The following ARHGEF4 variants were observed in gnomAD, a reference collection of about 807,000 sequenced individuals.
ARHGEF4 encodes Rho guanine nucleotide exchange factor 4, also known as APC-stimulated guanine nucleotide exchange factor 1.
A neutral mutation model predicts 162.0 loss-of-function variants in ARHGEF4; 119 were observed. The observed-to-expected ratio is 0.73, with a 90% CI of 0.63 to 0.86. The LOEUF (loss-of-function observed/expected upper bound fraction) is 0.86. Among genes scored for constraint, ARHGEF4 ranks in the 40% least tolerant of loss-of-function variants. The probability of loss-of-function intolerance (pLI) is 0.00; values close to 1 mark genes in which losing one functional copy is unlikely to be tolerated. For synonymous variants in ARHGEF4, 1,014 were observed against 979.9 expected (o/e 1.03, Z -0.65); for missense variants, 2,488 against 2,456.0 (o/e 1.01, Z -0.28).
intron 1 of ARHGEF4, among the ~76,000 whole-genome samples, chr2:130,865,666 T>A (rs563551912): frequency 6.6e-6 from 1 of 152,356 alleles, no homozygotes; most frequent in East Asian, 1.9e-4. Flanking sequence ...AAAGTCTAGT[T>A]TCCTTTCCAT....
At chr2:130,913,315 TATC>T (rs1367859716) in intron 1 of ARHGEF4, among the ~76,000 whole-genome samples, 1 of 152,236 alleles carries the variant, frequency 6.6e-6, no homozygotes, top group Non-Finnish European at 1.5e-5. Context: ...AGTTTTCAAA[TATC>T]ATAGATCTGT....
At chr2:131,022,438 AT>A (rs1689190985) in intron 4 of ARHGEF4, among the ~76,000 whole-genome samples, 1 of 152,080 alleles carries the variant, frequency 6.6e-6, no homozygotes, top group Admixed American at 6.6e-5. Context: ...TTAATTTGCT[AT>A]TGTACAACAG....
intron 12 of ARHGEF4, 48 bp from the exon 13 acceptor site, chr2:131,045,321 C>G (rs750477136): frequency 1.9e-6 from 3 of 1,570,716 alleles, no homozygotes; most frequent in African/African-American, 1.3e-5. Flanking sequence ...GGAACTGCAC[C>G]TGGGGCCACG....
chr2:130,946,338 T>C lies in ARHGEF4; in HGVS notation c.3859-171T>C, dbSNP rs1395961691. Among the ~76,000 whole-genome samples the C allele has an allele frequency of 2.0e-5, 3 of 152,034 alleles. No homozygotes were observed. The East Asian group carries it at 5.8e-4, about 29-fold the overall frequency. ...TGCCCACTGCAGACTCCAGGTGAAG[T>C]TTTTCTTGTGAGTTTTGATGTGAAA... On this transcript the variant is annotated intron_variant, in intron 3 of 13. Coordinates refer to ENST00000409359, the MANE Select transcript of ARHGEF4 (RefSeq NM_001367493.1).
At chr2:130,883,094 T>C (rs1459864801) in intron 1 of ARHGEF4, among the ~76,000 whole-genome samples, 3 of 152,014 alleles carry the variant, frequency 2.0e-5, no homozygotes, top group African/African-American at 2.4e-5. Context: ...CAGGATACCA[T>C]TGAGAAATTG....
chr2:131,016,427 T>C (rs1202069951), intron 4 of ARHGEF4, among the ~76,000 whole-genome samples: 4 of 152,212 alleles, frequency 2.6e-5, no homozygotes, highest in East Asian at 1.9e-4. Context: ...CCTGGCTGTT[T>C]GGTGCTGGAT....
intron 2 of ARHGEF4, among the ~76,000 whole-genome samples, chr2:130,926,012 C>CTTTCTTTCTTTCTT (rs60718279): frequency 1.8e-5 from 2 of 110,362 alleles, no homozygotes; most frequent in Non-Finnish European, 3.8e-5. Flanking sequence ...GTTTGGTTTT[C>CTTTCTTTCTTTCTT]TCTCTTTCTT....
chr2:130,926,014 C>CTCTTTCTTTCTT (rs1553514612), intron 2 of ARHGEF4, among the ~76,000 whole-genome samples: 3 of 97,206 alleles, frequency 3.1e-5, no homozygotes, highest in African/African-American at 1.5e-4. Flanking sequence ...TTGGTTTTCT[C>CTCTTTCTTTCTT]TCTTTCTTTC....
intron 1 of ARHGEF4, among the ~76,000 whole-genome samples, chr2:130,867,438 A>G (rs1682366341): frequency 6.6e-6 from 1 of 152,004 alleles, no homozygotes; most frequent in African/African-American, 2.4e-5. Context: ...GGGTTTCACC[A>G]TGTTGGCCAG....
intron 1 of ARHGEF4, 132 bp downstream of exon 1, chr2:130,837,124 G>T (rs1363531198): frequency 5.1e-6 from 4 of 787,850 alleles, no homozygotes; most frequent in Non-Finnish European, 6.8e-6. Flanking sequence ...CACCCTCGTG[G>T]CTCCCCGCCG....
Position 131,040,171 on chromosome 2 carries a change from G to T in ARHGEF4, c.4461G>T (p.Lys1487Asn). 2 of 1,611,416 alleles carry T rather than the reference G, an allele frequency of 1.2e-6. No homozygotes were observed. Among genetic ancestry groups the T allele is most frequent in the East Asian group, 2.2e-5 (1 of 44,804 alleles). ...EILSTERDYI[K>N]HLRDICEGYV... ...TCAGCACTGAGCGGGACTACATCAA[G>T]CACCTGCGCGACATCTGCGAGGTGA... Residue 1487 changes from lysine to asparagine, a missense_variant, in exon 7 of 14, where the codon AAG (lysine) becomes AAT (asparagine). Lys to Asn is a moderately conservative substitution (Grantham distance 94). Around this residue, in one of 6 missense-constraint regions of ARHGEF4, gnomAD observed 174 missense variants for 148.3 expected, o/e 1.17. Transcript: ENST00000409359.
chr2:131,012,535 A>G (rs1019050031), intron 4 of ARHGEF4, among the ~76,000 whole-genome samples: 1 of 150,798 alleles, frequency 6.6e-6, no homozygotes, highest in Non-Finnish European at 1.5e-5. Flanking sequence ...TTCTAGAGCA[A>G]GAACCAAGGC....
chr2:130,842,731 C>T (rs754327571), intron 1 of ARHGEF4, among the ~76,000 whole-genome samples: 3 of 152,180 alleles, frequency 2.0e-5, no homozygotes, highest in African/African-American at 7.2e-5. Flanking sequence ...AGGTGAAATC[C>T]GCAGTCCCAG....
Position 130,871,225 on chromosome 2 carries a change from G to A in ARHGEF4, c.39+34233G>A, listed in dbSNP as rs577425076. On this transcript the variant is annotated intron_variant, in intron 1 of 13. Coordinates refer to ENST00000409359, the MANE Select transcript of ARHGEF4 (RefSeq NM_001367493.1). ...CTTCCTACACCTAGAGCTTTAAAAT[G>A]CTCATTAATATACAAAGGCTTTCAA... Among the ~76,000 whole-genome samples, 15 of 152,292 alleles carry A rather than the reference G, an allele frequency of 9.8e-5. No individual in the cohort carries two copies. The South Asian group carries it at 2.9e-3, about 29-fold the overall frequency.
chr2:131,002,741 A>AG (rs1687864915), intron 4 of ARHGEF4, among the ~76,000 whole-genome samples: 1 of 120,656 alleles, frequency 8.3e-6, no homozygotes, highest in South Asian at 2.8e-4. Flanking sequence ...AAAAAAAAAA[A>AG]GGGTTGTGGG....
At chr2:130,893,230 C>G (rs1437145932) in intron 1 of ARHGEF4, among the ~76,000 whole-genome samples, 1 of 152,194 alleles carries the variant, frequency 6.6e-6, no homozygotes, top group Non-Finnish European at 1.5e-5. Flanking sequence ...GTTCAGTTCC[C>G]CGCCTCCCTG....
chr2:130,989,496 A>G (rs1686795400), intron 4 of ARHGEF4, among the ~76,000 whole-genome samples: 1 of 152,236 alleles, frequency 6.6e-6, no homozygotes. Flanking sequence ...ACAAAACAAT[A>G]GAAGCATTTC....
chr2:131,037,826 C>T (rs1255775087), intron 5 of ARHGEF4, among the ~76,000 whole-genome samples: 2 of 151,830 alleles, frequency 1.3e-5, no homozygotes, highest in African/African-American at 2.4e-5. Flanking sequence ...GAAGAATGGT[C>T]GGCTAGGTAT....
chr2:130,942,114 G>A (rs905242090), intron 3 of ARHGEF4, among the ~76,000 whole-genome samples: 4 of 150,878 alleles, frequency 2.7e-5, no homozygotes, highest in Non-Finnish European at 4.4e-5. Flanking sequence ...TTGACTAGTT[G>A]AGTCAAATAT....
Sources: allele counts gnomAD v4.1 joint callset (sites outside exome capture counted in the v4.1 genomes callset), GRCh38; gene constraint gnomAD v4.1.1; regional missense constraint gnomAD v4.1.1; transcripts MANE v1.5; gene names NCBI Gene and HGNC (gene_info 2026-07-23, HGNC 2026-07-21).